IGSF5: variants seen among roughly 807,000 people sequenced by gnomAD.
The protein encoded by IGSF5 is immunoglobulin superfamily 5 like.
A neutral mutation model predicts 39.4 loss-of-function variants in IGSF5; 41 were observed. The ratio of observed to expected loss-of-function variants is 1.04; its 90% confidence interval spans 0.81 to 1.35. IGSF5 has a LOEUF of 1.35. Among genes scored for constraint, IGSF5 ranks in the 40% most tolerant of loss-of-function variants. The pLI, the probability that IGSF5 is intolerant of heterozygous loss-of-function variation, is 0.00. For missense variants in IGSF5, 487 were observed against 494.6 expected, an observed-to-expected ratio of 0.98 and a Z score of 0.15; for synonymous variants, 183 against 175.3, an observed-to-expected ratio of 1.04 and a Z score of -0.34.
chr21:39,740,107 G>A, the IGSF5 span, among the ~76,000 whole-genome samples: 2 of 152,158 alleles, frequency 1.3e-5, no homozygotes, highest in African/African-American at 2.4e-5. Context: ...GCCATCCTGA[G>A]GGGAGAAAAC....
rs991736214 is a variant in IGSF5 at position 39,757,700 on chromosome 21, C to T, written c.101-7835C>T. On this transcript the variant is annotated intron_variant, in intron 2 of 8. Coordinates refer to ENST00000380588, the MANE Select transcript of IGSF5 (RefSeq NM_001080444.2). ...CAAGCGATTCTCCTGCCTCAGCCTC[C>T]TGAGTACCTGGGATTACAGGTGCAT... Among the ~76,000 whole-genome samples, 3 of 151,944 alleles carry T rather than the reference C, an allele frequency of 2.0e-5. No homozygotes were observed. The South Asian group carries it at 6.2e-4, about 32-fold the overall frequency.
rs148762096 is a variant in IGSF5, at chr21:39,756,364, G to T, written c.101-9171G>T. On this transcript the variant is annotated intron_variant, in intron 2 of 8. Transcript: ENST00000380588. Reference sequence around the variant, plus strand: ...GATGTCCGCAGATCAAGGTGTGGTAGTTGTTTTCCCATCACAGTTTCAATT... The same window carrying T: ...GATGTCCGCAGATCAAGGTGTGGTATTTGTTTTCCCATCACAGTTTCAATT... Among the ~76,000 whole-genome samples the T allele has an allele frequency of 1.6e-3, 246 of 152,346 alleles. 1 individual carries two copies. The highest frequency in any genetic ancestry group is 5.9e-3 in the African/African-American group (244 of 41,580).
chr21:39,748,106 G>C (rs2079984701), intron 2 of IGSF5, among the ~76,000 whole-genome samples: 1 of 152,088 alleles, frequency 6.6e-6, no homozygotes, highest in Non-Finnish European at 1.5e-5. Context: ...TGCTACAACA[G>C]AATACTAGAA....
At chr21:39,748,609 G>C (rs1387559976) in intron 2 of IGSF5, among the ~76,000 whole-genome samples, 1 of 152,032 alleles carries the variant, frequency 6.6e-6, no homozygotes, top group African/African-American at 2.4e-5. Flanking sequence ...CCCATCACGA[G>C]GGCTCCATTT....
At chr21:39,728,984 C>A in the IGSF5 span, 1 of 152,164 alleles carries the variant, frequency 6.6e-6, no homozygotes, top group Non-Finnish European at 1.5e-5. Context: ...ACCTAGGACC[C>A]AATCTTTGCC....
chr21:39,770,622 A>G (rs1456990339), intron 3 of IGSF5, among the ~76,000 whole-genome samples: 1 of 151,880 alleles, frequency 6.6e-6, no homozygotes, highest in Non-Finnish European at 1.5e-5. Context: ...TTTCTTTCCC[A>G]CATAATTATT....
Position 39,771,014 on chromosome 21 carries a change from G to A in IGSF5, c.517G>A (p.Asp173Asn). The A allele has an allele frequency of 6.2e-7, 1 of 1,613,612 alleles. No homozygotes were observed. The highest frequency in any genetic ancestry group is 2.2e-5 in the East Asian group (1 of 44,852). The part of the protein sequence containing the change: ...CLPSHWTRLP[D>N]ISWELGLLVS... ...ACCCTCACACTGGACCCGGCTCCCGGATATTTCCTGGGAGCTCGGTCTCCT... is the reference window on the plus strand; with the variant it reads ...ACCCTCACACTGGACCCGGCTCCCGAATATTTCCTGGGAGCTCGGTCTCCT... Residue 173 changes from aspartate to asparagine, a missense_variant, in exon 4 of 9, where the codon GAT (aspartate) becomes AAT (asparagine). Physicochemically the swap from Asp to Asn is conservative, Grantham distance 23. Coordinates refer to ENST00000380588, the MANE Select transcript of IGSF5 (RefSeq NM_001080444.2).
chr21:39,771,358 C>A, intron 4 of IGSF5, 143 bp downstream of exon 4: 1 of 595,696 alleles, frequency 1.7e-6, no homozygotes, highest in Non-Finnish European at 2.7e-6. Flanking sequence ...CCAATCACAT[C>A]TGCTGTCAGC....
chr21:39,734,371 C>T, the IGSF5 span, among the ~76,000 whole-genome samples: 5 of 147,714 alleles, frequency 3.4e-5, no homozygotes, highest in East Asian at 4.0e-4. Context: ...TGTAGTGAGC[C>T]GAGATCATGC....
the IGSF5 span, among the ~76,000 whole-genome samples, chr21:39,714,887 A>G: frequency 5.3e-5 from 8 of 152,206 alleles, no homozygotes; most frequent in South Asian, 2.1e-4. Flanking sequence ...GGAAGACTCA[A>G]TTCAGCCCAT....
intron 6 of IGSF5, 28 bp downstream of exon 6, chr21:39,788,216 G>C (rs1555945651): frequency 2.6e-6 from 4 of 1,539,946 alleles, no homozygotes; most frequent in Non-Finnish European, 3.6e-6. Context: ...TCTATTTTCT[G>C]AAAACAAAAC....
chr21:39,787,552 GTTTTT>G (rs33925299), intron 5 of IGSF5, among the ~76,000 whole-genome samples: 4 of 119,908 alleles, frequency 3.3e-5, no homozygotes, highest in South Asian at 5.8e-4. Context: ...TAATGACAGT[GTTTTT>G]TTTTTTTTTT....
chr21:39,768,385 T>C lies in IGSF5; in HGVS notation c.419-2531T>C, dbSNP rs576836508. On this transcript the variant is annotated intron_variant, in intron 3 of 8. Coordinates refer to ENST00000380588, the MANE Select transcript of IGSF5 (RefSeq NM_001080444.2). ...GATGACATAACTCCAAATTGAGTCA[T>C]CTGAAATCCATGTGAATATTCTAGT... Among the ~76,000 whole-genome samples, 5 of 152,346 alleles carry C rather than the reference T, an allele frequency of 3.3e-5. No individual in the cohort carries two copies. In the East Asian group the frequency reaches 9.6e-4, roughly 29 times the overall value.
At chr21:39,745,157 A>ATCTCTCTCTCTCTCTCTCTCCATC (rs35473597), upstream of IGSF5, among the ~76,000 whole-genome samples, 1 of 145,652 alleles carries the variant, frequency 6.9e-6, no homozygotes, top group Non-Finnish European at 1.5e-5. Flanking sequence ...CTCTCTCTTC[A>ATCTCTCTCTCTCTCTCTCTCCATC]TCTCTCTCTC....
intron 2 of IGSF5, among the ~76,000 whole-genome samples, chr21:39,746,816 T>A (rs2079977689): frequency 6.6e-6 from 1 of 152,214 alleles, no homozygotes; most frequent in Non-Finnish European, 1.5e-5. Context: ...TATCATTGTT[T>A]TTATTGCCTA....
At chr21:39,776,976 G>C (rs537810717) in intron 4 of IGSF5, among the ~76,000 whole-genome samples, 1 of 152,168 alleles carries the variant, frequency 6.6e-6, no homozygotes, top group East Asian at 1.9e-4. Flanking sequence ...CCTGTGCACT[G>C]TAGCTTACAG....
intron 6 of IGSF5, among the ~76,000 whole-genome samples, chr21:39,788,456 T>C (rs901655967): frequency 6.6e-6 from 1 of 152,238 alleles, no homozygotes; most frequent in Non-Finnish European, 1.5e-5. Context: ...TTTCTTAGTG[T>C]CTGGCATTTG....
intron 2 of IGSF5, among the ~76,000 whole-genome samples, chr21:39,755,613 G>A (rs2080026035): frequency 6.6e-6 from 1 of 151,350 alleles, no homozygotes; most frequent in African/African-American, 2.4e-5. Context: ...ATTAGTAAAT[G>A]ATTTATTTGA....
Position 39,756,244 on chromosome 21 carries a change from G to A in IGSF5, c.101-9291G>A, listed in dbSNP as rs909933044. Among the ~76,000 whole-genome samples, 9 of 152,250 alleles carry A rather than the reference G, an allele frequency of 5.9e-5. No homozygotes were observed. The East Asian group carries it at 1.5e-3, about 26-fold the overall frequency. ...TCTTTCTCGAGGCTGTGAATACCCA[G>A]TAATGCACTTAAATGCTAAATGCAG... is the stretch of plus-strand genomic sequence containing the variant. On this transcript the variant is annotated intron_variant, in intron 2 of 8. Transcript: ENST00000380588.
Sources: allele counts gnomAD v4.1 joint callset (sites outside exome capture counted in the v4.1 genomes callset), GRCh38; gene constraint gnomAD v4.1.1; transcripts MANE v1.5; gene names NCBI Gene and HGNC (gene_info 2026-07-23, HGNC 2026-07-21).